The following MARCHF1 variants were observed in gnomAD, a reference collection of about 807,000 sequenced individuals.
MARCHF1 encodes the protein membrane associated ring-CH-type finger 1.
In MARCHF1, 40 loss-of-function variants were observed where a neutral mutation model predicts 54.2. That is an observed-to-expected ratio of 0.74 (90% confidence interval 0.57 to 0.96). MARCHF1 has a LOEUF of 0.96. Among genes scored for constraint, MARCHF1 ranks in the 40% least tolerant of loss-of-function variants. The pLI, the probability that MARCHF1 is intolerant of heterozygous loss-of-function variation, is 0.00. For synonymous variants in MARCHF1, 236 were observed against 236.3 expected (o/e 1.00, Z 0.01); for missense variants, 586 against 656.5 (o/e 0.89, Z 1.17).
chr4:164,151,139 G>GGTCCAGAACTC (rs113219294), intron 1 of MARCHF1, among the ~76,000 whole-genome samples: 28,701 of 152,076 alleles, frequency 0.19, 4,341 homozygotes, highest in African/African-American at 0.41. Context: ...TCCACTTTGG[G>GGTCCAGAACTC]CTCCAGAACT....
chr4:164,172,886 CAGG>C (rs907597943), intron 1 of MARCHF1, among the ~76,000 whole-genome samples: 1 of 149,366 alleles, frequency 6.7e-6, no homozygotes, highest in African/African-American at 2.5e-5. Flanking sequence ...GAGGCTGAGG[CAGG>C]AGAATGGCGT....
chr4:164,364,316 C>G (rs950277213), intron 1 of MARCHF1, among the ~76,000 whole-genome samples: 3 of 152,008 alleles, frequency 2.0e-5, no homozygotes, highest in African/African-American at 7.2e-5. Context: ...TACCAGAGCC[C>G]TTGAATATCT....
At chr4:164,301,917 T>C (rs961351568) in intron 1 of MARCHF1, among the ~76,000 whole-genome samples, 1 of 152,084 alleles carries the variant, frequency 6.6e-6, no homozygotes, top group African/African-American at 2.4e-5. Flanking sequence ...GGGAAAGACA[T>C]AGGGTGCCCT....
At chr4:164,144,148 C>T (rs1729597291) in intron 1 of MARCHF1, among the ~76,000 whole-genome samples, 1 of 151,258 alleles carries the variant, frequency 6.6e-6, no homozygotes, top group Admixed American at 6.6e-5. Flanking sequence ...GCACCCAATA[C>T]AGGAGCACCC....
intron 1 of MARCHF1, among the ~76,000 whole-genome samples, chr4:164,166,592 C>G (rs1730386855): frequency 6.6e-6 from 1 of 151,924 alleles, no homozygotes; most frequent in African/African-American, 2.4e-5. Context: ...TAGTACAAGA[C>G]AGGGATGTCC....
At chr4:163,524,312 T>A (rs1469872671), downstream of MARCHF1, 2 of 152,210 alleles carry the variant, frequency 1.3e-5, no homozygotes, top group African/African-American at 4.8e-5. Context: ...ACAGCTTTGT[T>A]TTTTGCTATC....
intron 4 of MARCHF1, among the ~76,000 whole-genome samples, chr4:163,843,541 A>ATTATT (rs149598009): frequency 0.019 from 2,914 of 151,248 alleles, 83 homozygotes; most frequent in East Asian, 0.074. Flanking sequence ...TTTTTTAATT[A>ATTATT]TTATTTTTTA....
intron 1 of MARCHF1, among the ~76,000 whole-genome samples, chr4:164,158,295 C>T (rs1447124652): frequency 1.3e-5 from 2 of 152,046 alleles, no homozygotes; most frequent in Non-Finnish European, 1.5e-5. Flanking sequence ...AGTGATAATG[C>T]CTATGTATTT....
chr4:164,326,825 A>G (rs1735292095), intron 1 of MARCHF1, among the ~76,000 whole-genome samples: 1 of 152,128 alleles, frequency 6.6e-6, no homozygotes, highest in African/African-American at 2.4e-5. Context: ...GGCTTCCTGT[A>G]GTCTAATTTC....
At chr4:164,143,476 G>C (rs372451923) in intron 1 of MARCHF1, among the ~76,000 whole-genome samples, 3 of 149,140 alleles carry the variant, frequency 2.0e-5, no homozygotes, top group Non-Finnish European at 4.5e-5. Flanking sequence ...CAGATCTCTC[G>C]GCAGAAACTC....
At chr4:164,128,604 TA>T (rs1756236879) in intron 1 of MARCHF1, among the ~76,000 whole-genome samples, 1 of 152,184 alleles carries the variant, frequency 6.6e-6, no homozygotes. Flanking sequence ...AAAATTTTTT[TA>T]AATATTGAGA....
chr4:163,709,431 A>C (rs955402385), intron 4 of MARCHF1, among the ~76,000 whole-genome samples: 2 of 152,170 alleles, frequency 1.3e-5, no homozygotes, highest in Non-Finnish European at 2.9e-5. Context: ...AATAAAAAGA[A>C]ATTAAATTTT....
At chr4:164,341,279 CAA>C (rs34271550) in intron 1 of MARCHF1, among the ~76,000 whole-genome samples, 2 of 146,378 alleles carry the variant, frequency 1.4e-5, no homozygotes, top group African/African-American at 5.0e-5. Context: ...AAAGCAAAAA[CAA>C]AAAAAAAAAC....
chr4:164,246,863 A>T (rs908991698), intron 1 of MARCHF1, among the ~76,000 whole-genome samples: 4 of 130,482 alleles, frequency 3.1e-5, no homozygotes, highest in Non-Finnish European at 6.5e-5. Context: ...AAAAATGCTC[A>T]TCATCCTGGC....
intron 1 of MARCHF1, among the ~76,000 whole-genome samples, chr4:164,335,532 A>C (rs1729710865): frequency 6.6e-6 from 1 of 150,816 alleles, no homozygotes; most frequent in Admixed American, 6.6e-5. Context: ...CAGTGAGCCG[A>C]GATTGTGCCA....
intron 7 of MARCHF1, among the ~76,000 whole-genome samples, chr4:163,595,751 G>C (rs1740747088): frequency 6.6e-6 from 1 of 152,094 alleles, no homozygotes; most frequent in South Asian, 2.1e-4. Flanking sequence ...AGGCTGGGGA[G>C]AGGGGAAAAT....
chr4:163,779,248 T>G (rs1022521634), intron 4 of MARCHF1, among the ~76,000 whole-genome samples: 1 of 152,168 alleles, frequency 6.6e-6, no homozygotes, highest in African/African-American at 2.4e-5. Flanking sequence ...GAATGATATT[T>G]TAGTCACATA....
chr4:163,643,387 C>T (rs1003638395), intron 5 of MARCHF1, among the ~76,000 whole-genome samples: 1 of 151,026 alleles, frequency 6.6e-6, no homozygotes, highest in East Asian at 2.0e-4. Flanking sequence ...GTTGCCCAGG[C>T]TAGTCTCAAA....
rs149227853 is a variant in MARCHF1 at position 164,229,623 on chromosome 4, A to G, written c.-322-117961T>C. ...ATCTGAGAATGAGTAATTTATAAAG[A>G]AAAGAGGTTTAATTGGCTGATGGTT... is the stretch of plus-strand genomic sequence containing the variant. On this transcript the variant is annotated intron_variant, in intron 1 of 9. Coordinates refer to ENST00000514618, the MANE Select transcript of MARCHF1 (RefSeq NM_001394959.1). Among the ~76,000 whole-genome samples, 1,150 of 152,250 alleles carry G rather than the reference A, an allele frequency of 7.6e-3. 9 individuals carry two copies. The highest frequency in any genetic ancestry group is 0.012 in the South Asian group (58 of 4,814).
Sources: allele counts gnomAD v4.1 joint callset (sites outside exome capture counted in the v4.1 genomes callset), GRCh38; gene constraint gnomAD v4.1.1; transcripts MANE v1.5; gene names NCBI Gene and HGNC (gene_info 2026-07-23, HGNC 2026-07-21).